Variants in KLHL32 observed in about 807,000 individuals in gnomAD.
KLHL32 encodes the protein kelch-like protein 32.
A neutral mutation model predicts 64.8 loss-of-function variants in KLHL32; 35 were observed. The ratio of observed to expected loss-of-function variants is 0.54; its 90% CI spans 0.41 to 0.72. The LOEUF is 0.72. Ranked by LOEUF, KLHL32 falls within the 30% of genes least tolerant of loss-of-function variation. KLHL32 has a pLI of 0.00. For synonymous variants in KLHL32, 259 were observed against 281.0 expected, an observed-to-expected ratio of 0.92 and a Z score of 0.78; for missense variants, 589 against 768.5, an observed-to-expected ratio of 0.77 and a Z score of 2.76.
intron 7 of KLHL32, among the ~76,000 whole-genome samples, chr6:97,122,697 C>G (rs1267483662): frequency 1.3e-5 from 2 of 152,214 alleles, no homozygotes. Context: ...TTGTAGCAAA[C>G]TTCCCTCTGT....
chr6:97,064,788 G>A, intron 5 of KLHL32, 62 bp downstream of exon 5: 1 of 1,362,604 alleles, frequency 7.3e-7, no homozygotes, highest in Non-Finnish European at 1.0e-6. Context: ...GTCATAAGCT[G>A]GCCCCCAACA....
upstream of KLHL32, among the ~76,000 whole-genome samples, chr6:96,921,949 A>G (rs1768767109): frequency 6.6e-6 from 1 of 152,204 alleles, no homozygotes; most frequent in African/African-American, 2.4e-5. Context: ...GAGAAAAACA[A>G]AAAAGTGTTA....
At chr6:96,970,338 C>T (rs900495051) in intron 2 of KLHL32, among the ~76,000 whole-genome samples, 2 of 152,166 alleles carry the variant, frequency 1.3e-5, no homozygotes, top group Non-Finnish European at 2.9e-5. Context: ...TTACCTGCAC[C>T]GTGTTCTCCT....
At chr6:96,958,973 C>T (rs1015686316) in intron 1 of KLHL32, among the ~76,000 whole-genome samples, 5 of 152,118 alleles carry the variant, frequency 3.3e-5, no homozygotes, top group Admixed American at 1.3e-4. Context: ...TCTGCTTGGA[C>T]CCCCACAGTA....
intron 1 of KLHL32, among the ~76,000 whole-genome samples, chr6:96,962,994 C>T (rs1303929484): frequency 3.9e-5 from 6 of 152,152 alleles, no homozygotes; most frequent in Admixed American, 3.9e-4. Flanking sequence ...AGTAGCTGAA[C>T]TTTTACACTG....
At chr6:97,031,432 G>A (rs1024877360) in intron 3 of KLHL32, among the ~76,000 whole-genome samples, 1 of 151,866 alleles carries the variant, frequency 6.6e-6, no homozygotes, top group African/African-American at 2.4e-5. Context: ...AACTCATGGG[G>A]TCAAGTGATC....
chr6:96,926,618 G>A (rs546123259), intron 1 of KLHL32, among the ~76,000 whole-genome samples: 1 of 152,286 alleles, frequency 6.6e-6, no homozygotes, highest in South Asian at 2.1e-4. Flanking sequence ...GATGTGTGCA[G>A]GGATCTGACA....
intron 2 of KLHL32, among the ~76,000 whole-genome samples, chr6:96,972,154 A>G (rs952786880): frequency 6.6e-6 from 1 of 152,182 alleles, no homozygotes; most frequent in Admixed American, 6.5e-5. Flanking sequence ...GCCCAGCCCT[A>G]AAAAAGGTAA....
intron 4 of KLHL32, among the ~76,000 whole-genome samples, chr6:97,043,757 C>T (rs1024055247): frequency 1.3e-5 from 2 of 151,888 alleles, no homozygotes; most frequent in East Asian, 1.9e-4. Context: ...AGGGGTGAGG[C>T]GATATCTCAC....
chr6:97,113,049 C>G (rs1018899205), intron 6 of KLHL32, among the ~76,000 whole-genome samples: 2 of 146,524 alleles, frequency 1.4e-5, no homozygotes, highest in Admixed American at 1.4e-4. Flanking sequence ...GTTCATAATA[C>G]AAAGATGATC....
chr6:96,934,469 G>A (rs1183442389), intron 1 of KLHL32, among the ~76,000 whole-genome samples: 5 of 152,148 alleles, frequency 3.3e-5, no homozygotes, highest in African/African-American at 1.2e-4. Context: ...CAAAAAAATA[G>A]CAAGTTAAAT....
the KLHL32 span, among the ~76,000 whole-genome samples, chr6:96,900,401 C>T: frequency 1.1e-4 from 17 of 152,208 alleles, no homozygotes; most frequent in Non-Finnish European, 2.1e-4. Context: ...TTTGAGATTA[C>T]GGTAAGACTC....
intron 3 of KLHL32, among the ~76,000 whole-genome samples, chr6:97,039,641 G>A (rs1284004686): frequency 1.4e-5 from 2 of 142,150 alleles, no homozygotes; most frequent in African/African-American, 5.6e-5. Context: ...CCAATATGGT[G>A]AAACCCCATC....
intron 6 of KLHL32, among the ~76,000 whole-genome samples, chr6:97,111,601 C>T (rs1167702216): frequency 2.0e-5 from 3 of 152,152 alleles, no homozygotes; most frequent in Non-Finnish European, 4.4e-5. Context: ...GTGCCTGTAG[C>T]CCCCAAAGCT....
intron 4 of KLHL32, among the ~76,000 whole-genome samples, chr6:97,045,786 T>C (rs562079030): frequency 1.3e-5 from 2 of 152,142 alleles, no homozygotes; most frequent in South Asian, 4.1e-4. Context: ...AAATGTGAAC[T>C]GAAGTGAAGA....
At chr6:96,924,320 T>TC (rs1263578325), upstream of KLHL32, among the ~76,000 whole-genome samples, 1 of 152,040 alleles carries the variant, frequency 6.6e-6, no homozygotes, top group East Asian at 1.9e-4. Flanking sequence ...CAGGCTGGGT[T>TC]CCCGGGTCTC....
At chr6:96,932,567 C>CG (rs1395303108) in intron 1 of KLHL32, among the ~76,000 whole-genome samples, 2 of 128,262 alleles carry the variant, frequency 1.6e-5, no homozygotes, top group Non-Finnish European at 3.3e-5. Flanking sequence ...GTCAATTTCC[C>CG]CCCCCCCCTT....
intron 4 of KLHL32, among the ~76,000 whole-genome samples, chr6:97,058,335 T>A (rs1339859909): frequency 6.6e-6 from 1 of 152,246 alleles, no homozygotes; most frequent in East Asian, 1.9e-4. Flanking sequence ...TGGGAAGAAC[T>A]GACATCTTGA....
chr6:96,986,145 C>T (rs1389322078), intron 3 of KLHL32, among the ~76,000 whole-genome samples: 1 of 152,108 alleles, frequency 6.6e-6, no homozygotes, highest in African/African-American at 2.4e-5. Context: ...CACTCCAGAC[C>T]CTGTTTGCCT....
Sources: allele counts gnomAD v4.1 joint callset (sites outside exome capture counted in the v4.1 genomes callset), GRCh38; gene constraint gnomAD v4.1.1; transcripts MANE v1.5; gene names NCBI Gene and HGNC (gene_info 2026-07-23, HGNC 2026-07-21).